Variants in PHACTR1 observed in about 807,000 individuals in gnomAD.
The protein encoded by PHACTR1 is RPEL repeat containing 1.
A neutral mutation model predicts 69.2 loss-of-function variants in PHACTR1; 16 were observed. That is an observed-to-expected ratio of 0.23 (90% confidence interval 0.16 to 0.35). PHACTR1 has a LOEUF of 0.35. PHACTR1 is among the 10% of genes least tolerant of loss of function. The pLI, the probability that PHACTR1 is intolerant of heterozygous loss-of-function variation, is 1.00. For synonymous variants in PHACTR1, 312 were observed against 284.5 expected (o/e 1.10, Z -0.97); for missense variants, 510 against 734.7 (o/e 0.69, Z 3.54).
intron 5 of PHACTR1, among the ~76,000 whole-genome samples, chr6:13,078,492 ATGTAGT>A (rs1359564163): frequency 1.3e-5 from 2 of 152,200 alleles, no homozygotes; most frequent in East Asian, 3.8e-4. Flanking sequence ...TTTTGGAGGA[ATGTAGT>A]TCTAACCATA....
intron 4 of PHACTR1, among the ~76,000 whole-genome samples, chr6:13,003,385 T>A (rs1798318352): frequency 6.6e-6 from 1 of 152,182 alleles, no homozygotes; most frequent in Non-Finnish European, 1.5e-5. Context: ...TTTAAAATAC[T>A]TTTAAAAATA....
chr6:13,279,199 A>G (rs375661), intron 12 of PHACTR1: 117,440 of 152,070 alleles, frequency 0.77, 46,052 homozygotes, highest in Admixed American at 0.85. Context: ...CTTAACCCCA[A>G]AAATAGATGG....
intron 4 of PHACTR1, among the ~76,000 whole-genome samples, chr6:12,892,998 G>C (rs540498787): frequency 9.5e-4 from 145 of 152,232 alleles, no homozygotes; most frequent in African/African-American, 3.2e-3. Context: ...CTCCAGAGAA[G>C]GAAGAGAGAG....
chr6:13,253,077 AG>A (rs1774707075), intron 10 of PHACTR1: 1 of 454,308 alleles, frequency 2.2e-6, no homozygotes, highest in Admixed American at 2.4e-5. Context: ...GAGGAGGGAA[AG>A]GATCGGGATT....
At chr6:13,155,905 A>G (rs185725641) in intron 5 of PHACTR1, among the ~76,000 whole-genome samples, 2 of 152,120 alleles carry the variant, frequency 1.3e-5, no homozygotes, top group Non-Finnish European at 2.9e-5. Flanking sequence ...AAAAACCTGA[A>G]GATTTCCTTA....
chr6:12,854,381 T>C (rs925063155), intron 4 of PHACTR1, among the ~76,000 whole-genome samples: 1 of 152,230 alleles, frequency 6.6e-6, no homozygotes, highest in South Asian at 2.1e-4. Flanking sequence ...ATAGGATGTA[T>C]TTTTGGTTGA....
chr6:12,826,088 A>C (rs1356389681), intron 4 of PHACTR1, among the ~76,000 whole-genome samples: 1 of 152,212 alleles, frequency 6.6e-6, no homozygotes, highest in African/African-American at 2.4e-5. Context: ...GACTGAAAGT[A>C]ATTTTTTCCC....
intron 5 of PHACTR1, among the ~76,000 whole-genome samples, chr6:13,076,027 C>T (rs193004953): frequency 0.022 from 2,236 of 101,370 alleles, 44 homozygotes; most frequent in Admixed American, 0.039. Context: ...AAGGGAGCAT[C>T]TTTTTTTTTT....
At chr6:12,952,455 C>A (rs1411125382) in intron 4 of PHACTR1, among the ~76,000 whole-genome samples, 1 of 152,190 alleles carries the variant, frequency 6.6e-6, no homozygotes, top group African/African-American at 2.4e-5. Context: ...TCCAGAATAT[C>A]ATGTAGTCAG....
At chr6:12,984,259 A>G (rs183560175) in intron 4 of PHACTR1, among the ~76,000 whole-genome samples, 1 of 152,312 alleles carries the variant, frequency 6.6e-6, no homozygotes. Context: ...TGAGATGGTA[A>G]GGAGATGTAT....
intron 5 of PHACTR1, among the ~76,000 whole-genome samples, chr6:13,142,763 C>A (rs1318556601): frequency 6.6e-6 from 1 of 151,928 alleles, no homozygotes; most frequent in Non-Finnish European, 1.5e-5. Context: ...CATCTCTATG[C>A]CTGTTTTTAT....
At chr6:13,022,616 C>A (rs544481697) in intron 4 of PHACTR1, among the ~76,000 whole-genome samples, 1 of 151,446 alleles carries the variant, frequency 6.6e-6, no homozygotes, top group Admixed American at 6.6e-5. Flanking sequence ...GTCACAGAGA[C>A]TAAGTTGTCA....
intron 4 of PHACTR1, among the ~76,000 whole-genome samples, chr6:12,984,660 G>A (rs1477091199): frequency 6.6e-6 from 1 of 152,168 alleles, no homozygotes; most frequent in Non-Finnish European, 1.5e-5. Context: ...GTACTAACCT[G>A]GTTACACCTT....
intron 10 of PHACTR1, among the ~76,000 whole-genome samples, chr6:13,233,942 T>TG (rs1330791760): frequency 1.3e-5 from 2 of 152,242 alleles, no homozygotes; most frequent in Non-Finnish European, 2.9e-5. Flanking sequence ...TTGCAGGGAC[T>TG]GTACCTAAAG....
intron 3 of PHACTR1, among the ~76,000 whole-genome samples, chr6:12,723,530 T>C (rs530622952): frequency 6.7e-6 from 1 of 148,330 alleles, no homozygotes; most frequent in African/African-American, 2.5e-5. Flanking sequence ...GGTCTGGCTC[T>C]GTCATCTCAG....
At chr6:12,961,131 T>TA (rs1180468702) in intron 4 of PHACTR1, among the ~76,000 whole-genome samples, 7 of 152,026 alleles carry the variant, frequency 4.6e-5, no homozygotes, top group Admixed American at 6.6e-5. Flanking sequence ...ACTAACTGGA[T>TA]AAAAAAATCT....
At chr6:13,152,948 G>A (rs931031451) in intron 5 of PHACTR1, among the ~76,000 whole-genome samples, 2 of 152,090 alleles carry the variant, frequency 1.3e-5, no homozygotes. Context: ...AGTGGGCTCT[G>A]TCACATAGGG....
At chr6:13,058,350 G>A (rs1236999590) in intron 5 of PHACTR1, among the ~76,000 whole-genome samples, 1 of 152,112 alleles carries the variant, frequency 6.6e-6, no homozygotes, top group African/African-American at 2.4e-5. Flanking sequence ...GCAGGGGTTG[G>A]CCGTGGAAAT....
At chr6:13,064,894 T>C (rs562018877) in intron 5 of PHACTR1, among the ~76,000 whole-genome samples, 1 of 152,102 alleles carries the variant, frequency 6.6e-6, no homozygotes, top group Non-Finnish European at 1.5e-5. Context: ...TAGATTGAAA[T>C]ACAGATTTCT....
Sources: gnomAD v4.1 joint callset for allele counts (sites outside exome capture counted in the v4.1 genomes callset) on GRCh38, gnomAD v4.1.1 for gene constraint, MANE v1.5 for transcripts, NCBI Gene and HGNC (gene_info 2026-07-23, HGNC 2026-07-21) for gene names.